HS6ST3: variants seen among roughly 807,000 people sequenced by gnomAD.
HS6ST3 encodes heparan-sulfate 6-O-sulfotransferase 3.
HS6ST3 carries 12 observed loss-of-function variants against 36.7 expected under a neutral mutation model. The ratio of observed to expected loss-of-function variants is 0.33; its 90% CI spans 0.21 to 0.53. The LOEUF is 0.53. HS6ST3 is among the 20% of genes least tolerant of loss of function. The probability of loss-of-function intolerance (pLI) is 0.95; values close to 1 mark genes in which losing one functional copy is unlikely to be tolerated. For synonymous variants in HS6ST3, 240 were observed against 257.5 expected (o/e 0.93, Z 0.65); for missense variants, 584 against 640.9 (o/e 0.91, Z 0.96).
intron 1 of HS6ST3, among the ~76,000 whole-genome samples, chr13:96,140,840 C>A (rs1328502943): frequency 1.3e-5 from 2 of 152,026 alleles, no homozygotes; most frequent in Non-Finnish European, 2.9e-5. Flanking sequence ...GAGATCATTA[C>A]GTGACAACTT....
At chr13:96,591,269 G>T (rs1594813691) in intron 1 of HS6ST3, among the ~76,000 whole-genome samples, 1 of 151,972 alleles carries the variant, frequency 6.6e-6, no homozygotes, top group African/African-American at 2.4e-5. Context: ...CACTGAATCT[G>T]TAGAATGATT....
intron 1 of HS6ST3, among the ~76,000 whole-genome samples, chr13:96,601,969 G>A (rs906643246): frequency 2.0e-5 from 3 of 152,162 alleles, no homozygotes; most frequent in African/African-American, 4.8e-5. Context: ...ACTGTCTCCT[G>A]TGGAGCCAGA....
At chr13:96,832,251 A>G (rs1394166511) in intron 1 of HS6ST3, among the ~76,000 whole-genome samples, 1 of 152,106 alleles carries the variant, frequency 6.6e-6, no homozygotes, top group East Asian at 1.9e-4. Context: ...TTTCCACCCC[A>G]TGCTTCCCCA....
intron 1 of HS6ST3, among the ~76,000 whole-genome samples, chr13:96,268,724 C>T (rs766544568): frequency 6.6e-6 from 1 of 151,820 alleles, no homozygotes; most frequent in African/African-American, 2.4e-5. Context: ...TGAAAGACAC[C>T]AACTTGAAAT....
At chr13:96,717,814 C>A (rs1356615210) in intron 1 of HS6ST3, among the ~76,000 whole-genome samples, 2 of 152,178 alleles carry the variant, frequency 1.3e-5, no homozygotes, top group Admixed American at 6.5e-5. Context: ...GAATTCCGCA[C>A]AAGGATCCCA....
intron 1 of HS6ST3, among the ~76,000 whole-genome samples, chr13:96,598,888 G>T (rs2056411633): frequency 6.6e-6 from 1 of 152,040 alleles, no homozygotes; most frequent in Non-Finnish European, 1.5e-5. Context: ...ATAAAGGAAT[G>T]CTGGATTTTA....
At chr13:96,343,761 G>C (rs2055141065) in intron 1 of HS6ST3, among the ~76,000 whole-genome samples, 1 of 151,948 alleles carries the variant, frequency 6.6e-6, no homozygotes, top group Non-Finnish European at 1.5e-5. Flanking sequence ...GTTTGGTTTT[G>C]AGATGGAGTC....
intron 1 of HS6ST3, among the ~76,000 whole-genome samples, chr13:96,735,846 A>G (rs1032767560): frequency 2.0e-5 from 3 of 152,196 alleles, no homozygotes; most frequent in Non-Finnish European, 4.4e-5. Flanking sequence ...AGACTCTTGA[A>G]ACCAAGTGGT....
chr13:96,100,988 T>C (rs2053815563), intron 1 of HS6ST3, among the ~76,000 whole-genome samples: 1 of 152,166 alleles, frequency 6.6e-6, no homozygotes, highest in Admixed American at 6.5e-5. Context: ...TAAAGAATGA[T>C]GAGTGCAGCA....
chr13:96,819,065 A>C (rs1394114877), intron 1 of HS6ST3, among the ~76,000 whole-genome samples: 3 of 152,262 alleles, frequency 2.0e-5, no homozygotes, highest in Non-Finnish European at 4.4e-5. Context: ...AAAGCAACCC[A>C]CTATTTTGAA....
intron 1 of HS6ST3, among the ~76,000 whole-genome samples, chr13:96,197,438 G>C (rs923278239): frequency 4.6e-5 from 7 of 152,096 alleles, no homozygotes; most frequent in Admixed American, 3.3e-4. Context: ...AGATTTGAAT[G>C]GGGACAGCCA....
chr13:96,183,742 A>T (rs2054251313), intron 1 of HS6ST3, among the ~76,000 whole-genome samples: 1 of 152,226 alleles, frequency 6.6e-6, no homozygotes, highest in South Asian at 2.1e-4. Flanking sequence ...ATGGAGACAG[A>T]AAACAGTGGT....
chr13:96,533,839 C>T (rs2138936582), intron 1 of HS6ST3, among the ~76,000 whole-genome samples: 1 of 152,278 alleles, frequency 6.6e-6, no homozygotes, highest in South Asian at 2.1e-4. Flanking sequence ...TAGCATACTG[C>T]CCCAGGGGGT....
intron 1 of HS6ST3, among the ~76,000 whole-genome samples, chr13:96,481,793 A>G (rs376424211): frequency 1.1e-3 from 168 of 152,310 alleles, no homozygotes; most frequent in African/African-American, 3.9e-3. Context: ...GAGGTGGGAT[A>G]ACATTATGTG....
At chr13:96,700,436 G>A (rs1407549028) in intron 1 of HS6ST3, among the ~76,000 whole-genome samples, 1 of 152,100 alleles carries the variant, frequency 6.6e-6, no homozygotes. Context: ...ATGAGATTTG[G>A]GTGGGGACAC....
At chr13:96,377,842 C>A (rs778875229) in intron 1 of HS6ST3, among the ~76,000 whole-genome samples, 2 of 152,100 alleles carry the variant, frequency 1.3e-5, no homozygotes, top group African/African-American at 4.8e-5. Flanking sequence ...GTTAAAGGTC[C>A]AGGACCAGAG....
At chr13:96,250,018 G>A (rs11841678) in intron 1 of HS6ST3, among the ~76,000 whole-genome samples, 2,584 of 152,214 alleles carry the variant, frequency 0.017, 68 homozygotes, top group African/African-American at 0.059. Context: ...GAATGACAGC[G>A]ATGTTTGTAC....
rs977441490 is a variant in HS6ST3 at position 96,629,063 on chromosome 13, T to A, written c.708-203427T>A. ...CTCCTTTGGAATTTCATCTGTGTAC[T>A]TGTTTTTGAAGTTTATTCTCTATGC... On this transcript the variant is annotated intron_variant, in intron 1 of 1. Coordinates refer to ENST00000376705, the MANE Select transcript of HS6ST3 (RefSeq NM_153456.4). Among the ~76,000 whole-genome samples, 3 of 152,212 alleles carry A rather than the reference T, an allele frequency of 2.0e-5. No homozygotes were observed. The East Asian group carries it at 5.8e-4, about 29-fold the overall frequency.
chr13:96,259,918 A>C (rs971704182), intron 1 of HS6ST3, among the ~76,000 whole-genome samples: 1 of 152,040 alleles, frequency 6.6e-6, no homozygotes, highest in African/African-American at 2.4e-5. Flanking sequence ...TGTTGGCTGC[A>C]TTAAACCATG....
Sources: allele counts gnomAD v4.1 joint callset (sites outside exome capture counted in the v4.1 genomes callset), GRCh38; gene constraint gnomAD v4.1.1; transcripts MANE v1.5; gene names NCBI Gene and HGNC (gene_info 2026-07-23, HGNC 2026-07-21).